The following UTRN variants were observed in gnomAD, a reference collection of about 807,000 sequenced individuals.
UTRN encodes utrophin.
A neutral mutation model predicts 463.9 loss-of-function variants in UTRN; 283 were observed. The ratio of observed to expected loss-of-function variants is 0.61; its 90% confidence interval spans 0.55 to 0.67. The LOEUF is 0.67. Ranked by LOEUF, UTRN falls within the 30% of genes least tolerant of loss-of-function variation. The probability of loss-of-function intolerance (pLI) is 0.00; values close to 1 mark genes in which losing one functional copy is unlikely to be tolerated. For synonymous variants in UTRN, 1,442 were observed against 1,431.5 expected, an observed-to-expected ratio of 1.01 and a Z score of -0.17; for missense variants, 3,922 against 4,084.3, an observed-to-expected ratio of 0.96 and a Z score of 1.08.
intron 34 of UTRN, among the ~76,000 whole-genome samples, chr6:144,503,817 T>C (rs1382058105): frequency 1.3e-5 from 2 of 152,230 alleles, no homozygotes; most frequent in East Asian, 3.9e-4. Flanking sequence ...TAGCATTGAA[T>C]CTAAAAATTA....
intron 3 of UTRN, among the ~76,000 whole-genome samples, chr6:144,415,919 G>A (rs1438862238): frequency 6.6e-6 from 1 of 152,142 alleles, no homozygotes; most frequent in Non-Finnish European, 1.5e-5. Flanking sequence ...GTAGGTTAGA[G>A]GTGGAGAAGA....
At chr6:144,706,837 C>G (rs1313228860) in intron 53 of UTRN, 4 of 152,144 alleles carry the variant, frequency 2.6e-5, no homozygotes, top group South Asian at 2.1e-4. Context: ...CCACTACAAT[C>G]CAGGTAAAAT....
intron 50 of UTRN, among the ~76,000 whole-genome samples, chr6:144,561,721 T>C (rs1409190003): frequency 1.4e-4 from 22 of 152,136 alleles, no homozygotes; most frequent in Non-Finnish European, 2.9e-5. Context: ...TTTCCTTGAT[T>C]CTAAAGTGGA....
At chr6:144,738,940 A>G (rs1210670371) in intron 54 of UTRN, among the ~76,000 whole-genome samples, 1 of 152,174 alleles carries the variant, frequency 6.6e-6, no homozygotes, top group Non-Finnish European at 1.5e-5. Context: ...GTGCATGTAT[A>G]GTTGAGTATA....
chr6:144,602,689 C>T (rs1804388285), intron 51 of UTRN, among the ~76,000 whole-genome samples: 1 of 152,090 alleles, frequency 6.6e-6, no homozygotes, highest in South Asian at 2.1e-4. Flanking sequence ...CCATGCAATT[C>T]CAAAACAATC....
At chr6:144,594,550 T>G (rs1338624311) in intron 51 of UTRN, among the ~76,000 whole-genome samples, 3 of 152,216 alleles carry the variant, frequency 2.0e-5, no homozygotes, top group Non-Finnish European at 4.4e-5. Context: ...TCCTTAGATT[T>G]AAAAATTAGT....
chr6:144,511,110 G>A lies in UTRN; in HGVS notation c.4931G>A (p.Cys1644Tyr). The change falls in exon 35 of 75, where the codon TGC (cysteine) becomes TAC (tyrosine). Residue 1644 changes from cysteine (C) to tyrosine (Y), a missense_variant. Physicochemically the swap from Cys to Tyr is radical, Grantham distance 194. Transcript: ENST00000367545. ...GTTCGTACCTGGACTGAAGATTGGTGCAATACCTTGATGGTATGTCTCAGG... is the reference window on the plus strand; with the variant it reads ...GTTCGTACCTGGACTGAAGATTGGTACAATACCTTGATGGTATGTCTCAGG... The part of the protein sequence containing the change: ...SRVRTWTEDW[C>Y]NTLMNHQNQL... 6.3e-7 allele frequency: 1 copy of A among 1,579,076 alleles called. No homozygotes were observed.
intron 23 of UTRN, among the ~76,000 whole-genome samples, chr6:144,466,266 G>T (rs2128563771): frequency 6.6e-6 from 1 of 152,286 alleles, no homozygotes; most frequent in East Asian, 1.9e-4. Context: ...TGTTTTCATG[G>T]CCATGTGCTT....
At chr6:144,737,927 C>T (rs908044250) in intron 54 of UTRN, among the ~76,000 whole-genome samples, 2 of 151,796 alleles carry the variant, frequency 1.3e-5, no homozygotes, top group African/African-American at 2.4e-5. Context: ...ACTTTCCAAG[C>T]AACTTTCATA....
At chr6:144,671,045 G>A (rs149090577) in intron 51 of UTRN, among the ~76,000 whole-genome samples, 47 of 152,138 alleles carry the variant, frequency 3.1e-4, no homozygotes, top group Non-Finnish European at 5.7e-4. Context: ...TAGCCTTGTA[G>A]TATAGTTTGA....
At chr6:144,721,117 A>G (rs865871040) in intron 53 of UTRN, among the ~76,000 whole-genome samples, 4 of 152,218 alleles carry the variant, frequency 2.6e-5, no homozygotes, top group Middle Eastern at 3.4e-3. Flanking sequence ...TCCAGTTGTT[A>G]TTTTTGACTC....
chr6:144,389,205 A>G (rs1781685956), intron 2 of UTRN, among the ~76,000 whole-genome samples: 1 of 152,182 alleles, frequency 6.6e-6, no homozygotes, highest in Admixed American at 6.5e-5. Context: ...TTAATAAGAG[A>G]CAAATGGTTG....
At chr6:144,404,472 G>C (rs1043612190) in intron 3 of UTRN, among the ~76,000 whole-genome samples, 1 of 152,144 alleles carries the variant, frequency 6.6e-6, no homozygotes. Context: ...CTGGGAGTCT[G>C]GATATGAGGT....
chr6:144,504,669 A>C (rs1228942637), intron 34 of UTRN, among the ~76,000 whole-genome samples: 1 of 152,204 alleles, frequency 6.6e-6, no homozygotes, highest in East Asian at 1.9e-4. Flanking sequence ...CCAGCATTTT[A>C]TTGAGGATTA....
intron 57 of UTRN, among the ~76,000 whole-genome samples, chr6:144,757,290 C>CATAG (rs1243187443): frequency 6.8e-6 from 1 of 147,870 alleles, no homozygotes; most frequent in Non-Finnish European, 1.5e-5. Context: ...AAATCTCAGT[C>CATAG]ATAGTAAGGT....
At chr6:144,658,780 A>G (rs1247988193) in intron 51 of UTRN, among the ~76,000 whole-genome samples, 1 of 152,260 alleles carries the variant, frequency 6.6e-6, no homozygotes, top group Non-Finnish European at 1.5e-5. Context: ...GATATCCATA[A>G]TATCACTACA....
chr6:144,562,153 G>T (rs1384331572), intron 50 of UTRN, among the ~76,000 whole-genome samples: 1 of 151,928 alleles, frequency 6.6e-6, no homozygotes, highest in Non-Finnish European at 1.5e-5. Flanking sequence ...ACCATCCTGG[G>T]AAGAAAAGAT....
At chr6:144,303,771 A>G (rs1349879497) in intron 2 of UTRN, among the ~76,000 whole-genome samples, 1 of 152,198 alleles carries the variant, frequency 6.6e-6, no homozygotes, top group East Asian at 1.9e-4. Context: ...CTCATCTTAA[A>G]TGAAGGTAAA....
At chr6:144,298,091 G>A (rs1182358693) in intron 2 of UTRN, among the ~76,000 whole-genome samples, 3 of 151,380 alleles carry the variant, frequency 2.0e-5, no homozygotes, top group African/African-American at 7.3e-5. Context: ...CTGCTGAAGT[G>A]GTTTCAGATG....
Sources: allele counts gnomAD v4.1 joint callset (sites outside exome capture counted in the v4.1 genomes callset), GRCh38; gene constraint gnomAD v4.1.1; transcripts MANE v1.5; gene names NCBI Gene and HGNC (gene_info 2026-07-23, HGNC 2026-07-21).